RERE: variants seen among roughly 807,000 people sequenced by gnomAD.
RERE encodes arginine-glutamic acid dipeptide repeats protein.
RERE carries 40 observed loss-of-function variants against 146.1 expected under a neutral mutation model. That is an observed-to-expected ratio of 0.27 (90% CI 0.21 to 0.36). The LOEUF (loss-of-function observed/expected upper bound fraction) is 0.36, where lower values mean the gene tolerates loss of function less well. Ranked by LOEUF, RERE falls within the 10% of genes least tolerant of loss-of-function variation. RERE has a pLI of 1.00. For synonymous variants in RERE, 1,003 were observed against 866.0 expected (o/e 1.16, Z -2.78); for missense variants, 1,933 against 2,138.7 (o/e 0.90, Z 1.90).
intron 4 of RERE, among the ~76,000 whole-genome samples, chr1:8,564,727 G>C (rs993511985): frequency 6.6e-6 from 1 of 151,884 alleles, no homozygotes; most frequent in African/African-American, 2.4e-5. Context: ...GTTTATCACA[G>C]TACTATTCAC....
At chr1:8,497,192 G>A (rs190439495) in intron 9 of RERE, among the ~76,000 whole-genome samples, 91 of 152,188 alleles carry the variant, frequency 6.0e-4, no homozygotes, top group Admixed American at 1.8e-3. Flanking sequence ...ACACCAAGAA[G>A]AAAAACATTA....
In RERE at chr1:8,738,149, CCT is replaced by C. The variant is rs942512405; in HGVS notation, c.-145+79009_-145+79010del. Among the ~76,000 whole-genome samples the C allele has an allele frequency of 6.8e-4, 103 of 152,278 alleles. 1 individual carries two copies. Among genetic ancestry groups the C allele is most frequent in the African/African-American group, 2.5e-3 (102 of 41,562 alleles). On this transcript the variant is annotated intron_variant, in intron 1 of 22. Coordinates refer to ENST00000400908, the MANE Select transcript of RERE (RefSeq NM_001042681.2). ...CCTCTGTTCAGAAGACCTTCCCTGC[CCT>C]CTCTTCACGGGGCAAACCTACACCT... is the stretch of plus-strand genomic sequence containing the variant.
At chr1:8,810,903 G>A (rs1641793869) in intron 1 of RERE, among the ~76,000 whole-genome samples, 2 of 152,096 alleles carry the variant, frequency 1.3e-5, no homozygotes, top group African/African-American at 4.8e-5. Context: ...TAGGCAGGTA[G>A]GTAGACAGGT....
At chr1:8,794,170 G>C (rs966706110) in intron 1 of RERE, among the ~76,000 whole-genome samples, 2 of 151,736 alleles carry the variant, frequency 1.3e-5, no homozygotes, top group African/African-American at 4.8e-5. Context: ...GGCCGAGGTG[G>C]GCAGATCATG....
chr1:8,460,307 G>A (rs1644510007), intron 11 of RERE, among the ~76,000 whole-genome samples: 1 of 152,138 alleles, frequency 6.6e-6, no homozygotes, highest in Non-Finnish European at 1.5e-5. Flanking sequence ...GATGCTGCTG[G>A]GGAAAGACAC....
At chr1:8,589,429 G>C (rs1255008634) in intron 4 of RERE, among the ~76,000 whole-genome samples, 1 of 152,204 alleles carries the variant, frequency 6.6e-6, no homozygotes, top group Non-Finnish European at 1.5e-5. Flanking sequence ...AACTGAGTGA[G>C]ACCCTGTCTC....
intron 1 of RERE, among the ~76,000 whole-genome samples, chr1:8,742,785 C>A (rs138902986): frequency 2.6e-5 from 4 of 151,014 alleles, no homozygotes; most frequent in Admixed American, 2.0e-4. Context: ...GGAGGATCAC[C>A]TGAACCTGGG....
At chr1:8,387,959 T>G (rs1474280332) in intron 12 of RERE, among the ~76,000 whole-genome samples, 2 of 152,184 alleles carry the variant, frequency 1.3e-5, no homozygotes. Context: ...GCAAGAAAGT[T>G]TACAGCAGAA....
At chr1:8,391,431 C>T (rs1642880471) in intron 12 of RERE, among the ~76,000 whole-genome samples, 1 of 152,116 alleles carries the variant, frequency 6.6e-6, no homozygotes, top group Admixed American at 6.6e-5. Flanking sequence ...TGTTACTTCA[C>T]CCCTCTCCAT....
At chr1:8,466,718 A>C (rs1215488795) in intron 10 of RERE, among the ~76,000 whole-genome samples, 1 of 152,360 alleles carries the variant, frequency 6.6e-6, no homozygotes, top group East Asian at 1.9e-4. Context: ...ACATATGAAT[A>C]AAGATGCAGG....
At chr1:8,634,742 C>T (rs1201596755) in intron 2 of RERE, among the ~76,000 whole-genome samples, 2 of 151,952 alleles carry the variant, frequency 1.3e-5, no homozygotes, top group Admixed American at 6.6e-5. Context: ...TAAAGATTTA[C>T]TTATTTATTT....
chr1:8,793,167 AAAAAAAAAAAG>A (rs1201286036), intron 1 of RERE, among the ~76,000 whole-genome samples: 1 of 147,198 alleles, frequency 6.8e-6, no homozygotes, highest in African/African-American at 2.5e-5. Context: ...CAAAAAAAAA[AAAAAAAAAAAG>A]AAAGAAAGAA....
At chr1:8,795,826 T>C (rs763238911) in intron 1 of RERE, among the ~76,000 whole-genome samples, 2 of 151,770 alleles carry the variant, frequency 1.3e-5, no homozygotes, top group Non-Finnish European at 2.9e-5. Flanking sequence ...CTACCAAAAA[T>C]ACAAAATTAG....
intron 3 of RERE, among the ~76,000 whole-genome samples, chr1:8,621,098 C>T (rs933697156): frequency 6.6e-6 from 1 of 151,988 alleles, no homozygotes; most frequent in Non-Finnish European, 1.5e-5. Flanking sequence ...AGCCATGGAT[C>T]TTATCCCCAT....
At chr1:8,559,717 T>G (rs997521081) in intron 4 of RERE, among the ~76,000 whole-genome samples, 6 of 152,156 alleles carry the variant, frequency 3.9e-5, no homozygotes, top group Non-Finnish European at 8.8e-5. Flanking sequence ...GACAAACTAC[T>G]GAACATATCC....
intron 6 of RERE, among the ~76,000 whole-genome samples, chr1:8,549,167 C>G (rs940877411): frequency 6.6e-6 from 1 of 152,244 alleles, no homozygotes; most frequent in South Asian, 2.1e-4. Context: ...ATACCCAGAT[C>G]TTGGTTTCTA....
At chr1:8,718,928 C>T (rs960454348) in intron 1 of RERE, among the ~76,000 whole-genome samples, 44 of 152,240 alleles carry the variant, frequency 2.9e-4, no homozygotes, top group African/African-American at 9.1e-4. Flanking sequence ...CACCATTAAC[C>T]GTGTCATCTT....
chr1:8,451,189 G>C (rs1181335952), intron 11 of RERE, among the ~76,000 whole-genome samples: 2 of 152,190 alleles, frequency 1.3e-5, no homozygotes, highest in African/African-American at 2.4e-5. Flanking sequence ...CCAGCACTTT[G>C]GGAGGCTGAG....
rs535443548 is a variant in RERE at position 8,706,590 on chromosome 1, C to T, written c.-144-50149G>A. ...AACAGAATATAAAACTTAGAAAGTACTTTGTACACTAGTTTGTCTTCAAAG... is the reference window on the plus strand; with the variant it reads ...AACAGAATATAAAACTTAGAAAGTATTTTGTACACTAGTTTGTCTTCAAAG... On this transcript the variant is annotated intron_variant, in intron 1 of 22. Coordinates refer to ENST00000400908, the MANE Select transcript of RERE (RefSeq NM_001042681.2). 1.8e-4 allele frequency among the ~76,000 whole-genome samples: 28 copies of T among 152,330 alleles called. No individual in the cohort carries two copies. In the South Asian group the frequency reaches 5.6e-3, roughly 30 times the overall value.
Sources: gnomAD v4.1 joint callset for allele counts (sites outside exome capture counted in the v4.1 genomes callset) on GRCh38, gnomAD v4.1.1 for gene constraint, MANE v1.5 for transcripts, NCBI Gene and HGNC (gene_info 2026-07-23, HGNC 2026-07-21) for gene names.